The following CLTCL1 variants were observed in gnomAD, a reference collection of about 807,000 sequenced individuals.
The protein encoded by CLTCL1 is clathrin heavy chain 2.
In CLTCL1, 159 loss-of-function variants were observed where a neutral mutation model predicts 190.0. The ratio of observed to expected loss-of-function variants is 0.84; its 90% confidence interval spans 0.74 to 0.95. The LOEUF (loss-of-function observed/expected upper bound fraction) is 0.95. Among genes scored for constraint, CLTCL1 ranks in the 40% least tolerant of loss-of-function variants. CLTCL1 has a pLI of 0.00. For missense variants in CLTCL1, 1,878 were observed against 2,033.4 expected (o/e 0.92, Z 1.47); for synonymous variants, 752 against 769.6 (o/e 0.98, Z 0.38).
At chr22:19,275,366 G>A (rs1303854381) in intron 2 of CLTCL1, among the ~76,000 whole-genome samples, 1 of 151,702 alleles carries the variant, frequency 6.6e-6, no homozygotes, top group Non-Finnish European at 1.5e-5. Flanking sequence ...GTTCCTAGTC[G>A]CATGAAGACA....
At chr22:19,255,533 A>G (rs1304652266) in intron 2 of CLTCL1, among the ~76,000 whole-genome samples, 5 of 152,044 alleles carry the variant, frequency 3.3e-5, no homozygotes, top group African/African-American at 1.2e-4. Flanking sequence ...ACTGCACTCC[A>G]GCCTGGGTGA....
At chr22:19,274,700 T>C (rs192985609) in intron 2 of CLTCL1, among the ~76,000 whole-genome samples, 2 of 151,484 alleles carry the variant, frequency 1.3e-5, no homozygotes, top group East Asian at 3.9e-4. Context: ...AAATTTTACC[T>C]CCAGAAACAG....
chr22:19,218,296 G>A (rs149531403), intron 18 of CLTCL1, among the ~76,000 whole-genome samples: 5 of 152,330 alleles, frequency 3.3e-5, no homozygotes, highest in African/African-American at 1.2e-4. Context: ...AATGTCTGAT[G>A]TCTGGGAACC....
intron 30 of CLTCL1, chr22:19,183,119 G>A (rs1243862048): frequency 8.8e-6 from 4 of 455,522 alleles, no homozygotes; most frequent in Non-Finnish European, 1.6e-5. Flanking sequence ...TCCTAGCAGT[G>A]TGCACATTGG....
At chr22:19,181,815 C>G (rs781969970) in intron 30 of CLTCL1, 1 of 152,258 alleles carries the variant, frequency 6.6e-6, no homozygotes, top group Admixed American at 6.5e-5. Context: ...CTCCCCATGA[C>G]AGGCGTCTCA....
intron 13 of CLTCL1, among the ~76,000 whole-genome samples, chr22:19,224,931 C>T (rs536515555): frequency 1.1e-3 from 161 of 152,292 alleles, no homozygotes; most frequent in African/African-American, 3.8e-3. Flanking sequence ...AAAGCCACTC[C>T]CATCCCAACT....
intron 26 of CLTCL1, among the ~76,000 whole-genome samples, chr22:19,192,179 C>T (rs1363544687): frequency 6.6e-6 from 1 of 151,330 alleles, no homozygotes; most frequent in Non-Finnish European, 1.5e-5. Flanking sequence ...CATTCTCCTG[C>T]CTCAGCCTCC....
chr22:19,259,507 C>G (rs1555974489), intron 2 of CLTCL1, among the ~76,000 whole-genome samples: 1 of 152,128 alleles, frequency 6.6e-6, no homozygotes, highest in African/African-American at 2.4e-5. Flanking sequence ...GTCTCTGGGT[C>G]ACACTTTGGT....
chr22:19,252,830 C>A (rs782111776), intron 3 of CLTCL1, among the ~76,000 whole-genome samples: 7 of 152,020 alleles, frequency 4.6e-5, no homozygotes, highest in African/African-American at 1.2e-4. Context: ...CTGGCTAACA[C>A]GGAGAAACCC....
chr22:19,225,723 C>T, intron 12 of CLTCL1, 90 bp from the exon 13 acceptor site: 2 of 1,194,012 alleles, frequency 1.7e-6, no homozygotes, highest in Admixed American at 2.7e-5. Context: ...TCCTGTTCCC[C>T]TGAGTGTCAA....
At position 19,226,157 on chromosome 22, in the gene CLTCL1, A is replaced by C. The variant is rs2085736293; in HGVS notation, c.1947+62T>G. On this transcript the variant is annotated intron_variant, in intron 12 of 32. Coordinates refer to ENST00000427926, the MANE Select transcript of CLTCL1 (RefSeq NM_007098.4). ...AATCACCAACAGGTGAACACTGGGG[A>C]GCATGTGACATTAATTGCATAGACA... 2.6e-6 allele frequency: 4 copies of C among 1,548,268 alleles called. No homozygotes were observed. The African/African-American group carries it at 4.1e-5, about 16-fold the overall frequency.
At position 19,207,826 on chromosome 22, in the gene CLTCL1, G is replaced by A. The variant is rs757833148; in HGVS notation, c.3600+328C>T. The A allele has an allele frequency of 3.7e-4, 222 of 603,982 alleles. 1 individual carries two copies. The highest frequency in any genetic ancestry group is 5.6e-4 in the Non-Finnish European group (190 of 337,994). The allele number at this position is 603,982 out of a possible 1,614,324, so 37.4% of individuals were successfully genotyped here. On this transcript the variant is annotated intron_variant, in intron 22 of 32. Coordinates refer to ENST00000427926, the MANE Select transcript of CLTCL1 (RefSeq NM_007098.4). The stretch of plus-strand genomic sequence containing the variant: ...TGCATGCTTCTTATGAAAACCTAAT[G>A]CCTGCTGATCTGTCACTGTCTCCAT...
intron 31 of CLTCL1, 65 bp from the exon 32 acceptor site, chr22:19,180,303 G>A (rs1569135781): frequency 3.9e-6 from 6 of 1,540,696 alleles, no homozygotes; most frequent in East Asian, 2.2e-5. Flanking sequence ...GAGACCCGCC[G>A]GCGTGCTGCA....
At chr22:19,207,345 T>C (rs2085082685) in intron 22 of CLTCL1, among the ~76,000 whole-genome samples, 1 of 152,206 alleles carries the variant, frequency 6.6e-6, no homozygotes, top group South Asian at 2.1e-4. Context: ...ATTTTATGCA[T>C]CCAGATTATT....
At chr22:19,242,728 A>G in intron 4 of CLTCL1, 47 bp downstream of exon 4, 3 of 1,608,446 alleles carry the variant, frequency 1.9e-6, no homozygotes, top group South Asian at 1.1e-5. Context: ...CCCTAACACC[A>G]GCTCATGACA....
chr22:19,250,755 T>C (rs1276563612), intron 3 of CLTCL1, among the ~76,000 whole-genome samples: 1 of 151,634 alleles, frequency 6.6e-6, no homozygotes, highest in African/African-American at 2.4e-5. Flanking sequence ...GGTTTTGCCA[T>C]GTTGCCTAGG....
At chr22:19,218,161 C>A (rs1175647095) in intron 18 of CLTCL1, among the ~76,000 whole-genome samples, 1 of 152,122 alleles carries the variant, frequency 6.6e-6, no homozygotes, top group Non-Finnish European at 1.5e-5. Flanking sequence ...GCAGCTCTAC[C>A]CAGAAACAGG....
intron 30 of CLTCL1, chr22:19,181,029 C>G (rs1343405353): frequency 7.6e-5 from 43 of 563,822 alleles, no homozygotes; most frequent in Middle Eastern, 4.6e-4. Context: ...AGATGGAACG[C>G]CAGGTGGGGC....
chr22:19,287,818 T>C (rs2087961370), intron 1 of CLTCL1, among the ~76,000 whole-genome samples: 1 of 152,172 alleles, frequency 6.6e-6, no homozygotes, highest in Non-Finnish European at 1.5e-5. Context: ...GAACCCCATT[T>C]ATGAACACTG....
Sources: gnomAD v4.1 joint callset for allele counts (sites outside exome capture counted in the v4.1 genomes callset) on GRCh38, gnomAD v4.1.1 for gene constraint, MANE v1.5 for transcripts, NCBI Gene and HGNC (gene_info 2026-07-23, HGNC 2026-07-21) for gene names.